CHN2: variants seen among roughly 807,000 people sequenced by gnomAD.
CHN2 encodes the protein chimerin 2.
Under a neutral mutation model 56.3 loss-of-function variants are expected in CHN2, and 35 were observed. The observed-to-expected ratio is 0.62, with a 90% confidence interval of 0.47 to 0.82. CHN2 has a LOEUF of 0.82. Among genes scored for constraint, CHN2 ranks in the 40% least tolerant of loss-of-function variants. The pLI is 0.00. For synonymous variants in CHN2, 210 were observed against 212.8 expected (o/e 0.99, Z 0.12); for missense variants, 491 against 580.5 (o/e 0.85, Z 1.58).
intron 6 of CHN2, among the ~76,000 whole-genome samples, chr7:29,421,318 A>G (rs1233104714): frequency 6.6e-6 from 1 of 152,138 alleles, no homozygotes; most frequent in African/African-American, 2.4e-5. Context: ...GACTCCCCAA[A>G]TTAAAAATTA....
chr7:29,424,639 T>A (rs1205982343), intron 6 of CHN2, among the ~76,000 whole-genome samples: 1 of 152,224 alleles, frequency 6.6e-6, no homozygotes, highest in Admixed American at 6.5e-5. Flanking sequence ...ACATTGTTTT[T>A]AAAAATATTT....
chr7:29,445,158 G>A (rs570648893), intron 6 of CHN2: 1 of 456,010 alleles, frequency 2.2e-6, no homozygotes, highest in East Asian at 6.9e-5. Flanking sequence ...AATCCCACCA[G>A]TACATGTAAG....
intron 9 of CHN2, among the ~76,000 whole-genome samples, chr7:29,501,431 G>A (rs145563697): frequency 6.6e-5 from 10 of 152,280 alleles, no homozygotes; most frequent in African/African-American, 2.4e-4. Flanking sequence ...GCAGTTTGGG[G>A]TCAGATTATC....
rs1028463484 is a variant in CHN2, at chr7:29,461,314, G to A, written c.577-18965G>A. Among the ~76,000 whole-genome samples, 21 of 152,212 alleles carry A rather than the reference G, an allele frequency of 1.4e-4. 1 individual carries two copies. Among genetic ancestry groups the A allele is most frequent in the Admixed American group, 1.3e-3 (20 of 15,284 alleles). On this transcript the variant is annotated intron_variant, in intron 6 of 12. Transcript: ENST00000222792. The stretch of plus-strand genomic sequence containing the variant: ...AGGGTGAATAGAGCCAAAAGAAAGA[G>A]TGGGAGACCCAGGGGAGGATGGAGG...
intron 6 of CHN2, among the ~76,000 whole-genome samples, chr7:29,478,541 G>C (rs868687326): frequency 4.7e-4 from 72 of 152,248 alleles, no homozygotes; most frequent in Middle Eastern, 3.4e-3. Flanking sequence ...GCAGCACATG[G>C]GTGTACCGAG....
chr7:29,407,324 T>C (rs1226164054), intron 6 of CHN2, among the ~76,000 whole-genome samples: 2 of 151,848 alleles, frequency 1.3e-5, no homozygotes, highest in Non-Finnish European at 2.9e-5. Context: ...TGTGCCACTG[T>C]GGAGGGGGTC....
At chr7:29,267,805 G>A (rs931913387) in intron 1 of CHN2, among the ~76,000 whole-genome samples, 1 of 152,184 alleles carries the variant, frequency 6.6e-6, no homozygotes, top group African/African-American at 2.4e-5. Flanking sequence ...AGACTCAAGA[G>A]CTTTCTGTGT....
chr7:29,274,175 T>G (rs1167439011), intron 1 of CHN2, among the ~76,000 whole-genome samples: 2 of 152,196 alleles, frequency 1.3e-5, no homozygotes, highest in African/African-American at 4.8e-5. Context: ...AGAATAAGAT[T>G]GATGTTGAAC....
chr7:29,261,625 T>C (rs1360548643), intron 1 of CHN2, among the ~76,000 whole-genome samples: 1 of 152,246 alleles, frequency 6.6e-6, no homozygotes, highest in African/African-American at 2.4e-5. Context: ...CAAAGGTCTT[T>C]TGCCTTAACT....
intron 1 of CHN2, 165 bp downstream of exon 1, chr7:29,195,155 T>A: frequency 1.6e-6 from 1 of 619,844 alleles, no homozygotes; most frequent in South Asian, 2.6e-5. Context: ...AGCACCTCGG[T>A]GCCCAGAGCA....
rs751992098 is a variant in CHN2 at position 29,512,729 on chromosome 7, A to T, written c.1401A>T (p.Leu467Phe). 6 of 1,613,882 alleles carry T rather than the reference A, an allele frequency of 3.7e-6. No individual in the cohort carries two copies. The highest frequency in any genetic ancestry group is 4.2e-6 in the Non-Finnish European group (5 of 1,179,964). ...TTTTAATAGAAAACGAAGACGTTTT[A>T]TTCTAATCCATCAGGGAAATGAGCT... is the stretch of plus-strand genomic sequence containing the variant. ...VQILIENEDV[L>F]F The change falls in exon 13 of 13, where the codon TTA becomes TTT. Residue 467 changes from leucine to phenylalanine, a missense_variant. Physicochemically the swap from Leu to Phe is conservative, Grantham distance 22. Coordinates refer to ENST00000222792, the MANE Select transcript of CHN2 (RefSeq NM_004067.4).
At chr7:29,443,095 C>G (rs55800442) in intron 6 of CHN2, among the ~76,000 whole-genome samples, 1 of 150,150 alleles carries the variant, frequency 6.7e-6, no homozygotes, top group East Asian at 1.9e-4. Flanking sequence ...CGCCCGCCAC[C>G]GCGCCCGGCT....
chr7:29,455,804 G>T (rs376510331), intron 6 of CHN2, among the ~76,000 whole-genome samples: 1 of 152,132 alleles, frequency 6.6e-6, no homozygotes, highest in African/African-American at 2.4e-5. Context: ...CCCCCAGCCC[G>T]CGTGGGAACC....
chr7:29,476,993 G>A (rs929719517), intron 6 of CHN2, among the ~76,000 whole-genome samples: 1 of 152,190 alleles, frequency 6.6e-6, no homozygotes, highest in African/African-American at 2.4e-5. Flanking sequence ...TGTCCCTTGT[G>A]TATAGAGAAC....
intron 1 of CHN2, among the ~76,000 whole-genome samples, chr7:29,324,234 C>T (rs1479330709): frequency 2.0e-5 from 3 of 152,078 alleles, no homozygotes; most frequent in Non-Finnish European, 4.4e-5. Flanking sequence ...GTTGAAGTTG[C>T]GTATCTTACA....
intron 1 of CHN2, among the ~76,000 whole-genome samples, chr7:29,310,652 TAAAC>T (rs1366639466): frequency 6.6e-6 from 1 of 152,234 alleles, no homozygotes; most frequent in Non-Finnish European, 1.5e-5. Context: ...GGGTGGCTTA[TAAAC>T]AACAGAAATT....
intron 1 of CHN2, among the ~76,000 whole-genome samples, chr7:29,295,733 A>T (rs1208938990): frequency 6.6e-6 from 1 of 152,232 alleles, no homozygotes; most frequent in Non-Finnish European, 1.5e-5. Flanking sequence ...TTTTCATAAT[A>T]TTTGTTAGTA....
chr7:29,424,206 A>T (rs1414907155), intron 6 of CHN2, among the ~76,000 whole-genome samples: 1 of 152,110 alleles, frequency 6.6e-6, no homozygotes, highest in Non-Finnish European at 1.5e-5. Flanking sequence ...GTTCTACAGA[A>T]ATAGTTTTTA....
At chr7:29,412,995 C>T (rs1224203833) in intron 6 of CHN2, among the ~76,000 whole-genome samples, 1 of 152,134 alleles carries the variant, frequency 6.6e-6, no homozygotes, top group African/African-American at 2.4e-5. Flanking sequence ...GTCAGGGCTA[C>T]ATTGGTTTGT....
Sources: allele counts gnomAD v4.1 joint callset (sites outside exome capture counted in the v4.1 genomes callset), GRCh38; gene constraint gnomAD v4.1.1; transcripts MANE v1.5; gene names NCBI Gene and HGNC (gene_info 2026-07-23, HGNC 2026-07-21).